Variants in DNAH5 observed in about 807,000 individuals in gnomAD.
The protein encoded by DNAH5 is dynein axonemal heavy chain 5.
DNAH5 carries 372 observed loss-of-function variants against 518.2 expected under a neutral mutation model. The observed-to-expected ratio is 0.72, with a 90% CI of 0.66 to 0.78. The LOEUF (loss-of-function observed/expected upper bound fraction) is 0.78. Among genes scored for constraint, DNAH5 ranks in the 30% least tolerant of loss-of-function variants. The probability of loss-of-function intolerance (pLI) is 0.00; values close to 1 mark genes in which losing one functional copy is unlikely to be tolerated. For synonymous variants in DNAH5, 2,039 were observed against 2,025.9 expected, an observed-to-expected ratio of 1.01 and a Z score of -0.17; for missense variants, 5,523 against 5,687.0, an observed-to-expected ratio of 0.97 and a Z score of 0.93.
chr5:13,786,171 T>C lies in DNAH5; in HGVS notation c.8820+8A>G. ...TCCACAAGGCACTACTCAGAGTGGC[T>C]ACTGTACCTTGACTAAGTGAACCAT... On this transcript the variant is annotated splice_region_variant and intron_variant, in intron 52 of 78. Coordinates refer to ENST00000265104, the MANE Select transcript of DNAH5 (RefSeq NM_001369.3). 2 of 1,613,808 alleles carry C rather than the reference T, an allele frequency of 1.2e-6. No homozygotes were observed. The highest frequency in any genetic ancestry group is 1.7e-6 in the Non-Finnish European group (2 of 1,179,840).
rs148027463 is a variant in DNAH5 at position 13,702,982 on chromosome 5, C to T, written c.13339-1546G>A. ...CCTCTCTGTGCAGCCCCCAACCTGACGCAATCCCCCTCTGTCCTTGGCAAT... is the reference window on the plus strand; with the variant it reads ...CCTCTCTGTGCAGCCCCCAACCTGATGCAATCCCCCTCTGTCCTTGGCAAT... On this transcript the variant is annotated intron_variant, in intron 76 of 78. Transcript: ENST00000265104. 2.5e-3 allele frequency among the ~76,000 whole-genome samples: 375 copies of T among 151,272 alleles called. 1 individual carries two copies. The highest frequency in any genetic ancestry group is 3.5e-3 in the Admixed American group (53 of 15,212).
intron 5 of DNAH5, 143 bp downstream of exon 5, chr5:13,921,964 G>A (rs1006101329): frequency 1.3e-6 from 1 of 785,878 alleles, no homozygotes; most frequent in African/African-American, 1.7e-5. Flanking sequence ...ACATCTTGAA[G>A]GAGCAATAAA....
At chr5:13,781,017 C>T in intron 52 of DNAH5, 58 bp from the exon 53 acceptor site, 1 of 1,586,666 alleles carries the variant, frequency 6.3e-7, no homozygotes, top group Non-Finnish European at 8.6e-7. Flanking sequence ...TCTATTTTTC[C>T]TATTTATTCA....
chr5:13,766,553 T>C (rs1009724693), intron 58 of DNAH5, among the ~76,000 whole-genome samples: 6 of 152,218 alleles, frequency 3.9e-5, no homozygotes, highest in Non-Finnish European at 7.3e-5. Flanking sequence ...TGTGGTGCTT[T>C]TTTACTTATT....
chr5:13,981,340 C>T (rs536953040), intron 1 of DNAH5, among the ~76,000 whole-genome samples: 1 of 152,160 alleles, frequency 6.6e-6, no homozygotes, highest in African/African-American at 2.4e-5. Flanking sequence ...GTGTCTTGTT[C>T]ACACTTGTGC....
chr5:13,848,151 T>C (rs1766305573), intron 31 of DNAH5, among the ~76,000 whole-genome samples: 1 of 152,212 alleles, frequency 6.6e-6, no homozygotes, highest in South Asian at 2.1e-4. Context: ...CTTTTTGTCC[T>C]TCAACAGTTA....
intron 16 of DNAH5, among the ~76,000 whole-genome samples, chr5:13,892,310 C>T (rs1008457253): frequency 6.6e-6 from 1 of 152,174 alleles, no homozygotes; most frequent in Non-Finnish European, 1.5e-5. Flanking sequence ...CCAAGGATGT[C>T]CACATCCTAA....
In DNAH5 at chr5:13,929,681, T is replaced by C. The variant is rs192459666; in HGVS notation, c.192+1429A>G. Reference sequence around the variant, plus strand: ...GGCATGCTTCCATCACAGCCAGTATTGAAGCTCCTATCCCTCCCCTCTGTG... The same window carrying C: ...GGCATGCTTCCATCACAGCCAGTATCGAAGCTCCTATCCCTCCCCTCTGTG... On this transcript the variant is annotated intron_variant, in intron 2 of 78. Coordinates refer to ENST00000265104, the MANE Select transcript of DNAH5 (RefSeq NM_001369.3). Among the ~76,000 whole-genome samples the C allele has an allele frequency of 9.6e-3, 1,465 of 152,278 alleles. 13 individuals carry two copies. Among genetic ancestry groups the C allele is most frequent in the Non-Finnish European group, 0.013 (901 of 68,016 alleles).
intron 60 of DNAH5, among the ~76,000 whole-genome samples, chr5:13,759,636 T>C (rs1344847164): frequency 6.6e-6 from 1 of 152,218 alleles, no homozygotes; most frequent in Non-Finnish European, 1.5e-5. Flanking sequence ...CCTTGAGCTG[T>C]GACTAATTAA....
intron 61 of DNAH5, 54 bp from the exon 62 acceptor site, chr5:13,754,392 G>A: frequency 7.5e-6 from 12 of 1,603,286 alleles, no homozygotes; most frequent in African/African-American, 1.3e-5. Flanking sequence ...CATAGCCACT[G>A]GCTCAAAAAT....
intron 38 of DNAH5, among the ~76,000 whole-genome samples, chr5:13,825,826 C>T (rs901580050): frequency 6.6e-6 from 1 of 152,020 alleles, no homozygotes; most frequent in African/African-American, 2.4e-5. Flanking sequence ...GAATTGTACA[C>T]TAAAAATGGT....
In DNAH5 at chr5:13,864,038, G is replaced by C. The variant is rs372388301; in HGVS notation, c.4596+359C>G. ...ACTCCCTTCACCCAGCCAGTCCTAC[G>C]CATGCATCCTAGTCCTCCCTAGCTT... On this transcript the variant is annotated intron_variant, in intron 28 of 78. Transcript: ENST00000265104. Among the ~76,000 whole-genome samples, 94 of 152,252 alleles carry C rather than the reference G, an allele frequency of 6.2e-4. 1 individual carries two copies. In the South Asian group the frequency reaches 0.018, roughly 29 times the overall value.
At chr5:13,974,471 C>T (rs939741028) in intron 1 of DNAH5, among the ~76,000 whole-genome samples, 2 of 152,262 alleles carry the variant, frequency 1.3e-5, no homozygotes, top group South Asian at 4.1e-4. Context: ...TTTGGATTGA[C>T]AACACATATT....
chr5:13,692,319 C>T (rs909439068), intron 78 of DNAH5, among the ~76,000 whole-genome samples, 184 bp from the exon 79 acceptor site: 1 of 152,138 alleles, frequency 6.6e-6, no homozygotes, highest in Admixed American at 6.5e-5. Context: ...CACATGGTGC[C>T]AGCAGATGTG....
chr5:13,975,520 GAC>G (rs1782179041), intron 1 of DNAH5, among the ~76,000 whole-genome samples: 1 of 152,178 alleles, frequency 6.6e-6, no homozygotes. Context: ...CAAGTGAGAA[GAC>G]AGAATGGACA....
At chr5:13,864,894 T>C (rs989935164) in intron 27 of DNAH5, among the ~76,000 whole-genome samples, 2 of 152,128 alleles carry the variant, frequency 1.3e-5, no homozygotes, top group Non-Finnish European at 2.9e-5. Context: ...TTTTAGAGCG[T>C]AGAGGTGCTG....
At chr5:13,954,402 T>A (rs1486486362) in intron 1 of DNAH5, among the ~76,000 whole-genome samples, 1 of 152,238 alleles carries the variant, frequency 6.6e-6, no homozygotes, top group Non-Finnish European at 1.5e-5. Flanking sequence ...TACCCTTTTA[T>A]ATGCAATAAG....
At chr5:13,978,687 T>C (rs898985697) in intron 1 of DNAH5, among the ~76,000 whole-genome samples, 2 of 152,206 alleles carry the variant, frequency 1.3e-5, no homozygotes, top group Non-Finnish European at 2.9e-5. Flanking sequence ...AGTAAGCTGC[T>C]GTTCAGGTTT....
intron 15 of DNAH5, among the ~76,000 whole-genome samples, chr5:13,897,199 T>G (rs1415866434): frequency 6.6e-6 from 1 of 152,240 alleles, no homozygotes. Context: ...TATAAGATTC[T>G]TTCAATGTCC....
Sources: gnomAD v4.1 joint callset for allele counts (sites outside exome capture counted in the v4.1 genomes callset) on GRCh38, gnomAD v4.1.1 for gene constraint, MANE v1.5 for transcripts, NCBI Gene and HGNC (gene_info 2026-07-23, HGNC 2026-07-21) for gene names.